ZNF721: variants seen among roughly 807,000 people sequenced by gnomAD.
ZNF721 encodes zinc finger protein 721.
In ZNF721, 2 loss-of-function variants were observed where a neutral mutation model predicts 2.4. That is an observed-to-expected ratio of 0.82 (90% CI 0.34 to 2.58). The LOEUF (loss-of-function observed/expected upper bound fraction) is 2.58, where lower values mean the gene tolerates loss of function less well. ZNF721 is among the 30% of genes most tolerant of loss of function. The probability of loss-of-function intolerance (pLI) is 0.11; values close to 1 mark genes in which losing one functional copy is unlikely to be tolerated. For synonymous variants in ZNF721, 398 were observed against 381.8 expected, an observed-to-expected ratio of 1.04 and a Z score of -0.50; for missense variants, 1,187 against 1,085.5, an observed-to-expected ratio of 1.09 and a Z score of -1.31.
At chr4:456,601 C>A (rs1714854977) in intron 2 of ZNF721, among the ~76,000 whole-genome samples, 1 of 152,116 alleles carries the variant, frequency 6.6e-6, no homozygotes, top group Admixed American at 6.5e-5. Context: ...TAAAAATAGG[C>A]CAGGCACAGT....
chr4:460,014 C>G (rs1226722321), intron 2 of ZNF721, among the ~76,000 whole-genome samples: 1 of 152,092 alleles, frequency 6.6e-6, no homozygotes, highest in Non-Finnish European at 1.5e-5. Flanking sequence ...CTTTAACACC[C>G]CACTGTCAAT....
chr4:457,410 C>T (rs981771496), intron 2 of ZNF721, among the ~76,000 whole-genome samples: 1 of 152,164 alleles, frequency 6.6e-6, no homozygotes, highest in African/African-American at 2.4e-5. Flanking sequence ...GCTTGAGTGG[C>T]ATGCTTGCCC....
At chr4:464,695 T>C (rs1031835169) in intron 2 of ZNF721, among the ~76,000 whole-genome samples, 4 of 152,110 alleles carry the variant, frequency 2.6e-5, no homozygotes, top group Admixed American at 2.0e-4. Context: ...TCAAAACCAG[T>C]TGGTCAATAT....
chr4:456,220 G>A (rs1323167164), intron 2 of ZNF721, among the ~76,000 whole-genome samples: 2 of 151,966 alleles, frequency 1.3e-5, no homozygotes, highest in African/African-American at 2.4e-5. Context: ...ACAGGCATGC[G>A]CCACCACACC....
chr4:488,347 C>T (rs1392505931), intron 1 of ZNF721, among the ~76,000 whole-genome samples: 1 of 152,112 alleles, frequency 6.6e-6, no homozygotes, highest in Non-Finnish European at 1.5e-5. Context: ...CACGCAGTGC[C>T]CCACACCACA....
chr4:494,444 C>A (rs1340916855), intron 1 of ZNF721, among the ~76,000 whole-genome samples: 1 of 152,054 alleles, frequency 6.6e-6, no homozygotes, highest in African/African-American at 2.4e-5. Flanking sequence ...CCTCGGCCTC[C>A]CAAAATGCTG....
At chr4:490,940 C>T (rs373784581) in intron 1 of ZNF721, among the ~76,000 whole-genome samples, 2 of 147,166 alleles carry the variant, frequency 1.4e-5, no homozygotes, top group East Asian at 2.0e-4. Flanking sequence ...GCAGGCAGTG[C>T]GAGACTACAT....
At chr4:445,054 G>A (rs1553863998) in intron 2 of ZNF721, among the ~76,000 whole-genome samples, 1 of 140,132 alleles carries the variant, frequency 7.1e-6, no homozygotes, top group Non-Finnish European at 1.5e-5. Flanking sequence ...GCGGGATCTT[G>A]GCTCACTGCA....
At chr4:496,230 C>G (rs1393821220) in intron 1 of ZNF721, among the ~76,000 whole-genome samples, 1 of 152,116 alleles carries the variant, frequency 6.6e-6, no homozygotes, top group Non-Finnish European at 1.5e-5. Context: ...CGGATTTCGC[C>G]AAGTCAGAAT....
chr4:448,833 C>T (rs1248665226), intron 2 of ZNF721, among the ~76,000 whole-genome samples: 4 of 152,146 alleles, frequency 2.6e-5, no homozygotes, highest in African/African-American at 9.7e-5. Context: ...AGCATTGTTA[C>T]TGAAAGCAAA....
chr4:485,929 T>C (rs1553870252), intron 1 of ZNF721, among the ~76,000 whole-genome samples: 2 of 152,162 alleles, frequency 1.3e-5, no homozygotes, highest in Middle Eastern at 6.8e-3. Context: ...GAGCTGAGAT[T>C]GTGCCACTGC....
At chr4:477,562 C>T (rs925026547) in intron 1 of ZNF721, among the ~76,000 whole-genome samples, 1 of 151,976 alleles carries the variant, frequency 6.6e-6, no homozygotes, top group South Asian at 2.1e-4. Context: ...CTCATATCAC[C>T]AGGAAGTAGT....
intron 2 of ZNF721, among the ~76,000 whole-genome samples, chr4:464,643 A>G (rs1457647663): frequency 6.6e-6 from 1 of 152,160 alleles, no homozygotes; most frequent in East Asian, 1.9e-4. Flanking sequence ...ACTGTTTAAT[A>G]TTTTTATACA....
rs115848941 is a variant in ZNF721 at position 491,860 on chromosome 4, A to T, written c.-94+7196T>A. Among the ~76,000 whole-genome samples, 1,306 of 150,380 alleles carry T rather than the reference A, an allele frequency of 8.7e-3. 5 individuals carry two copies. The highest frequency in any genetic ancestry group is 0.013 in the Non-Finnish European group (885 of 67,466). On this transcript the variant is annotated intron_variant, in intron 1 of 2. Coordinates refer to ENST00000511833, the MANE Select transcript of ZNF721 (RefSeq NM_133474.4). ...ATAAACGGATGTAATAACCTTAATT[A>T]AAAAAAAAATTAGGCCAGATGCAGT...
intron 2 of ZNF721, among the ~76,000 whole-genome samples, chr4:467,121 G>A (rs958377041): frequency 3.3e-5 from 5 of 152,090 alleles, no homozygotes; most frequent in African/African-American, 9.7e-5. Context: ...GGAGGCTGAC[G>A]CAGGAGAATG....
chr4:485,879 G>A (rs1245417937), intron 1 of ZNF721, among the ~76,000 whole-genome samples: 1 of 152,134 alleles, frequency 6.6e-6, no homozygotes, highest in African/African-American at 2.4e-5. Context: ...GGAGGCTGAG[G>A]CAGGAGAATT....
intron 1 of ZNF721, among the ~76,000 whole-genome samples, chr4:480,042 T>C (rs1553869139): frequency 1.3e-5 from 2 of 152,228 alleles, no homozygotes; most frequent in South Asian, 2.1e-4. Context: ...TATGGTGATT[T>C]TGGATGTCAG....
intron 1 of ZNF721, among the ~76,000 whole-genome samples, chr4:489,454 C>A (rs1474878058): frequency 1.3e-5 from 2 of 152,152 alleles, no homozygotes; most frequent in South Asian, 4.1e-4. Flanking sequence ...GGGAAGAGAG[C>A]CCAGACCTGG....
chr4:498,267 G>A (rs1386273475), intron 1 of ZNF721, among the ~76,000 whole-genome samples: 1 of 151,368 alleles, frequency 6.6e-6, no homozygotes, highest in Non-Finnish European at 1.5e-5. Flanking sequence ...GTCCAGAAAG[G>A]CGGGGGCAAC....
Sources: allele counts gnomAD v4.1 joint callset (sites outside exome capture counted in the v4.1 genomes callset), GRCh38; gene constraint gnomAD v4.1.1; transcripts MANE v1.5; gene names NCBI Gene and HGNC (gene_info 2026-07-23, HGNC 2026-07-21).